PPARG: variants seen among roughly 807,000 people sequenced by gnomAD.
PPARG encodes the protein peroxisome proliferator activated receptor gamma.
PPARG carries 17 observed loss-of-function variants against 39.2 expected under a neutral mutation model. The ratio of observed to expected loss-of-function variants is 0.43; its 90% CI spans 0.30 to 0.65. The LOEUF (loss-of-function observed/expected upper bound fraction) is 0.65, where lower values mean the gene tolerates loss of function less well. PPARG is among the 30% of genes least tolerant of loss of function. PPARG has a pLI of 0.13. For missense variants in PPARG, 406 were observed against 585.9 expected, an observed-to-expected ratio of 0.69 and a Z score of 3.17; for synonymous variants, 223 against 215.7, an observed-to-expected ratio of 1.03 and a Z score of -0.30.
chr3:12,397,028 A>T (rs2050287688), intron 5 of PPARG, among the ~76,000 whole-genome samples: 1 of 152,144 alleles, frequency 6.6e-6, no homozygotes, highest in Non-Finnish European at 1.5e-5. Context: ...AAGAATTGAC[A>T]TGTTATTTAT....
chr3:12,417,888 CTTTTTTTTTTTTCCTTTTTTTTTTT>C, intron 7 of PPARG, among the ~76,000 whole-genome samples: 1 of 64,062 alleles, frequency 1.6e-5, no homozygotes, highest in East Asian at 5.8e-4. Flanking sequence ...TTTTTTTTTT[CTTTTTTTTTTTTCCTTTTTTTTTTT>C]TTTTTTTTTT....
upstream of PPARG, chr3:12,287,810 G>GCCCCCACCCCCA (rs1241313443): frequency 1.2e-3 from 51 of 43,010 alleles, no homozygotes; most frequent in Middle Eastern, 0.011. Context: ...CCCCGCCCCC[G>GCCCCCACCCCCA]CCCCCGCCCC....
chr3:12,312,058 A>G (rs1356564177), intron 1 of PPARG, among the ~76,000 whole-genome samples: 2 of 152,236 alleles, frequency 1.3e-5, no homozygotes, highest in African/African-American at 2.4e-5. Context: ...GACATAAAAG[A>G]TGGAAAGGGG....
At chr3:12,341,745 G>A (rs2048188253) in intron 2 of PPARG, among the ~76,000 whole-genome samples, 1 of 152,144 alleles carries the variant, frequency 6.6e-6, no homozygotes, top group East Asian at 1.9e-4. Context: ...GGAGTCAGAG[G>A]TTGCGGTGAG....
At chr3:12,322,317 A>G (rs1010325882) in intron 2 of PPARG, among the ~76,000 whole-genome samples, 1 of 152,230 alleles carries the variant, frequency 6.6e-6, no homozygotes, top group Non-Finnish European at 1.5e-5. Flanking sequence ...TCCTACTTGT[A>G]TGTATTATTT....
chr3:12,413,331 C>G (rs1018568289), intron 6 of PPARG, among the ~76,000 whole-genome samples: 1 of 152,206 alleles, frequency 6.6e-6, no homozygotes, highest in Non-Finnish European at 1.5e-5. Flanking sequence ...CCAGGGATCA[C>G]TCTTGCAGTT....
At chr3:12,342,445 T>C (rs575244206) in intron 2 of PPARG, among the ~76,000 whole-genome samples, 1 of 152,278 alleles carries the variant, frequency 6.6e-6, no homozygotes, top group Non-Finnish European at 1.5e-5. Flanking sequence ...ACATTTGGGG[T>C]CAGCTGGGGA....
intron 5 of PPARG, among the ~76,000 whole-genome samples, chr3:12,401,334 T>G (rs2959272): frequency 0.52 from 78,750 of 151,956 alleles, 20,793 homozygotes; most frequent in South Asian, 0.67. Flanking sequence ...ATAGATTAGG[T>G]TTTCAGATTC....
chr3:12,371,685 C>G (rs2049220196), intron 2 of PPARG, among the ~76,000 whole-genome samples: 1 of 152,202 alleles, frequency 6.6e-6, no homozygotes, highest in South Asian at 2.1e-4. Context: ...GTAGTAACAA[C>G]TTGATAACAC....
chr3:12,382,424 G>A (rs576019912), intron 4 of PPARG, among the ~76,000 whole-genome samples: 18 of 152,066 alleles, frequency 1.2e-4, no homozygotes, highest in African/African-American at 1.9e-4. Flanking sequence ...TATTATATAC[G>A]CATTGCACAG....
At chr3:12,298,248 G>A (rs1211806448) in intron 1 of PPARG, among the ~76,000 whole-genome samples, 2 of 119,056 alleles carry the variant, frequency 1.7e-5, no homozygotes, top group Non-Finnish European at 3.2e-5. Context: ...GCAGTGAGCC[G>A]AGATCCCGCC....
rs183248643 is a variant in PPARG, at chr3:12,359,571, T to A, written c.-8-20133T>A. ...TTGGGGAAAAAAATTCCTGCATTGT[T>A]TAAAAATACAGTGTCCTTGTAAAGC... On this transcript the variant is annotated intron_variant, in intron 2 of 7. Coordinates refer to ENST00000651735, the MANE Select transcript of PPARG (RefSeq NM_138711.6). Among the ~76,000 whole-genome samples, 203 of 152,228 alleles carry A rather than the reference T, an allele frequency of 1.3e-3. 1 individual carries two copies. The highest frequency in any genetic ancestry group is 1.1e-3 in the Non-Finnish European group (76 of 68,002).
chr3:12,431,932 CAAAA>C (rs1239665489), intron 7 of PPARG, among the ~76,000 whole-genome samples: 1 of 138,888 alleles, frequency 7.2e-6, no homozygotes, highest in South Asian at 2.3e-4. Flanking sequence ...GACTCTGTCA[CAAAA>C]AAAAAAGCGT....
intron 2 of PPARG, among the ~76,000 whole-genome samples, chr3:12,358,423 C>A (rs2048734271): frequency 6.6e-6 from 1 of 152,176 alleles, no homozygotes. Context: ...GAAGTTAATA[C>A]AGACATAATG....
chr3:12,290,868 C>T (rs1361922115), intron 1 of PPARG, among the ~76,000 whole-genome samples: 1 of 152,146 alleles, frequency 6.6e-6, no homozygotes, highest in Non-Finnish European at 1.5e-5. Flanking sequence ...AAGAGGCTTT[C>T]ATGAAGTAGG....
At chr3:12,409,836 G>T (rs1045046253) in intron 6 of PPARG, among the ~76,000 whole-genome samples, 2 of 152,074 alleles carry the variant, frequency 1.3e-5, no homozygotes, top group Non-Finnish European at 2.9e-5. Context: ...TGTAGAATGC[G>T]CCCTGCCCGC....
At chr3:12,365,884 G>A (rs756865876) in intron 2 of PPARG, among the ~76,000 whole-genome samples, 2 of 151,934 alleles carry the variant, frequency 1.3e-5, no homozygotes, top group African/African-American at 2.4e-5. Context: ...TGGCTATTAC[G>A]GGTCTTTTGC....
intron 2 of PPARG, among the ~76,000 whole-genome samples, chr3:12,319,240 A>G (rs2047472866): frequency 6.6e-6 from 1 of 152,154 alleles, no homozygotes; most frequent in Admixed American, 6.6e-5. Flanking sequence ...TGTGATTGCT[A>G]TTTTTCTTAT....
intron 1 of PPARG, among the ~76,000 whole-genome samples, chr3:12,303,260 G>A (rs758518105): frequency 2.6e-5 from 4 of 151,752 alleles, no homozygotes; most frequent in Non-Finnish European, 4.4e-5. Flanking sequence ...GCAGTGGCAC[G>A]ATCTTGACTC....
Sources: gnomAD v4.1 joint callset for allele counts (sites outside exome capture counted in the v4.1 genomes callset) on GRCh38, gnomAD v4.1.1 for gene constraint, MANE v1.5 for transcripts, NCBI Gene and HGNC (gene_info 2026-07-23, HGNC 2026-07-21) for gene names.